Variants in ESRRG observed in about 807,000 individuals in gnomAD.
ESRRG encodes the protein estrogen related receptor gamma.
A neutral mutation model predicts 44.0 loss-of-function variants in ESRRG; 13 were observed. The ratio of observed to expected loss-of-function variants is 0.30; its 90% CI spans 0.19 to 0.47. The LOEUF is 0.47. ESRRG is among the 20% of genes least tolerant of loss of function. The pLI, the probability that ESRRG is intolerant of heterozygous loss-of-function variation, is 1.00. For synonymous variants in ESRRG, 215 were observed against 214.6 expected, an observed-to-expected ratio of 1.00 and a Z score of -0.02; for missense variants, 395 against 580.6, an observed-to-expected ratio of 0.68 and a Z score of 3.29.
At chr1:216,976,290 G>A (rs1397549088) in intron 1 of ESRRG, among the ~76,000 whole-genome samples, 41 of 58,310 alleles carry the variant, frequency 7.0e-4, no homozygotes, top group Non-Finnish European at 9.8e-4. Context: ...TCCTAAATGT[G>A]TGTGTGTGTG....
At chr1:216,689,613 A>C (rs985752239) in intron 1 of ESRRG, among the ~76,000 whole-genome samples, 1 of 152,034 alleles carries the variant, frequency 6.6e-6, no homozygotes, top group African/African-American at 2.4e-5. Flanking sequence ...CAACTATTAG[A>C]GGTAATAAAA....
intron 4 of ESRRG, among the ~76,000 whole-genome samples, chr1:216,565,960 C>A (rs2059612114): frequency 7.1e-6 from 1 of 141,338 alleles, no homozygotes; most frequent in Non-Finnish European, 1.5e-5. Flanking sequence ...AAAAATATAT[C>A]CGAAAGTAAT....
At chr1:217,059,579 T>C (rs1423862255) in intron 1 of ESRRG, among the ~76,000 whole-genome samples, 1 of 152,022 alleles carries the variant, frequency 6.6e-6, no homozygotes, top group Non-Finnish European at 1.5e-5. Context: ...ACAAAAGGAC[T>C]CAAGAACCAA....
chr1:216,909,202 A>AT (rs2060035148), intron 2 of ESRRG, among the ~76,000 whole-genome samples: 1 of 152,198 alleles, frequency 6.6e-6, no homozygotes, highest in South Asian at 2.1e-4. Context: ...CTTCAAATGT[A>AT]TATGTGAAGA....
intron 1 of ESRRG, among the ~76,000 whole-genome samples, chr1:216,987,999 T>C (rs1350419075): frequency 6.6e-6 from 1 of 152,158 alleles, no homozygotes; most frequent in Non-Finnish European, 1.5e-5. Context: ...CAAAACCTTT[T>C]ATTGGCTGCC....
intron 1 of ESRRG, among the ~76,000 whole-genome samples, chr1:217,108,178 G>T (rs1051926758): frequency 2.0e-5 from 3 of 152,110 alleles, no homozygotes; most frequent in Non-Finnish European, 4.4e-5. Flanking sequence ...GTTGCCACTT[G>T]CTGAAACATT....
chr1:216,723,201 ACC>A, intron 1 of ESRRG, 41 bp downstream of exon 1: 1 of 1,037,846 alleles, frequency 9.6e-7, no homozygotes, highest in Non-Finnish European at 1.4e-6. Context: ...CCACCCCCGC[ACC>A]CCCACGACGA....
chr1:216,703,368 C>T (rs1308265826), intron 1 of ESRRG, among the ~76,000 whole-genome samples: 4 of 152,146 alleles, frequency 2.6e-5, no homozygotes, highest in East Asian at 1.9e-4. Flanking sequence ...TGTGTTGGGC[C>T]GCATTCAAAG....
intron 3 of ESRRG, among the ~76,000 whole-genome samples, chr1:216,639,364 G>A (rs1014508603): frequency 6.6e-6 from 1 of 152,110 alleles, no homozygotes; most frequent in African/African-American, 2.4e-5. Context: ...CCTGGTTGGG[G>A]GATATTAATT....
At chr1:216,657,792 G>T (rs1050152415) in intron 2 of ESRRG, among the ~76,000 whole-genome samples, 3 of 152,142 alleles carry the variant, frequency 2.0e-5, no homozygotes, top group African/African-American at 7.2e-5. Context: ...CAAGTCTCAT[G>T]CTCTTTGCCT....
intron 3 of ESRRG, among the ~76,000 whole-genome samples, chr1:216,582,384 T>G (rs893123775): frequency 6.6e-6 from 1 of 152,218 alleles, no homozygotes; most frequent in Admixed American, 6.5e-5. Context: ...ACTAAATGTT[T>G]TCATGCTCTG....
At chr1:216,801,716 C>G (rs2094626937) in intron 2 of ESRRG, among the ~76,000 whole-genome samples, 1 of 152,064 alleles carries the variant, frequency 6.6e-6, no homozygotes. Flanking sequence ...TTTCATATAC[C>G]TATTGGTCAT....
At chr1:216,653,990 G>A (rs990415265) in intron 2 of ESRRG, among the ~76,000 whole-genome samples, 1 of 151,656 alleles carries the variant, frequency 6.6e-6, no homozygotes, top group African/African-American at 2.4e-5. Context: ...AGGCATAGTG[G>A]TGTGAACCTT....
chr1:217,129,672 T>C (rs1362579831), intron 1 of ESRRG, among the ~76,000 whole-genome samples: 1 of 152,122 alleles, frequency 6.6e-6, no homozygotes, highest in African/African-American at 2.4e-5. Flanking sequence ...ACAAATGAAG[T>C]TATATGAAGA....
chr1:216,898,402 G>A (rs1489796974), intron 2 of ESRRG, among the ~76,000 whole-genome samples: 4 of 152,134 alleles, frequency 2.6e-5, no homozygotes, highest in African/African-American at 9.7e-5. Context: ...TGGATCACTT[G>A]AGTTCAGGAG....
intron 3 of ESRRG, among the ~76,000 whole-genome samples, chr1:216,637,908 T>C (rs2065619849): frequency 6.6e-6 from 1 of 152,148 alleles, no homozygotes; most frequent in Admixed American, 6.6e-5. Context: ...TTATTTGTAA[T>C]GCATATATGA....
intron 2 of ESRRG, among the ~76,000 whole-genome samples, chr1:216,750,787 T>G (rs963845458): frequency 1.3e-5 from 2 of 151,756 alleles, no homozygotes; most frequent in African/African-American, 4.8e-5. Context: ...CTCAAAGCCA[T>G]AACAATTTAA....
chr1:216,972,426 G>GA (rs1007105622), intron 1 of ESRRG, among the ~76,000 whole-genome samples: 1 of 152,070 alleles, frequency 6.6e-6, no homozygotes, highest in African/African-American at 2.4e-5. Context: ...CTAGTTACCA[G>GA]AAAAAAATAA....
chr1:216,780,679 A>G (rs1248217044), intron 2 of ESRRG, among the ~76,000 whole-genome samples: 1 of 152,014 alleles, frequency 6.6e-6, no homozygotes, highest in African/African-American at 2.4e-5. Context: ...CTGTATAACA[A>G]ATCACATAGA....
Sources: gnomAD v4.1 joint callset for allele counts (sites outside exome capture counted in the v4.1 genomes callset) on GRCh38, gnomAD v4.1.1 for gene constraint, MANE v1.5 for transcripts, NCBI Gene and HGNC (gene_info 2026-07-23, HGNC 2026-07-21) for gene names.